The following TMEM131L variants were observed in gnomAD, a reference collection of about 807,000 sequenced individuals.
The protein encoded by TMEM131L is transmembrane 131 like.
Under a neutral mutation model 192.2 loss-of-function variants are expected in TMEM131L, and 54 were observed. The ratio of observed to expected loss-of-function variants is 0.28; its 90% CI spans 0.23 to 0.35. The LOEUF (loss-of-function observed/expected upper bound fraction) is 0.35. Ranked by LOEUF, TMEM131L falls within the 10% of genes least tolerant of loss-of-function variation. The pLI is 1.00. For synonymous variants in TMEM131L, 701 were observed against 704.9 expected (o/e 0.99, Z 0.09); for missense variants, 1,888 against 1,972.9 (o/e 0.96, Z 0.82).
intron 7 of TMEM131L, 110 bp from the exon 8 acceptor site, chr4:153,580,716 A>T: frequency 1.5e-6 from 1 of 646,920 alleles, no homozygotes; most frequent in Non-Finnish European, 2.8e-6. Context: ...TCAGATATTT[A>T]TTGAATAAAT....
chr4:153,516,551 G>A (rs1005534547), intron 3 of TMEM131L, among the ~76,000 whole-genome samples: 10 of 152,024 alleles, frequency 6.6e-5, no homozygotes, highest in African/African-American at 1.9e-4. Flanking sequence ...TTCTTTATAC[G>A]TGAAGTTTAT....
intron 32 of TMEM131L, among the ~76,000 whole-genome samples, chr4:153,633,606 A>C (rs1047697396): frequency 2.0e-5 from 3 of 152,206 alleles, no homozygotes; most frequent in African/African-American, 7.2e-5. Flanking sequence ...CAAATTTGCT[A>C]TTTGACATTA....
chr4:153,501,921 T>C (rs1733633131), intron 3 of TMEM131L, among the ~76,000 whole-genome samples: 1 of 150,774 alleles, frequency 6.6e-6, no homozygotes, highest in African/African-American at 2.4e-5. Flanking sequence ...CCAGGTCACT[T>C]CCTGGAAGTA....
intron 7 of TMEM131L, among the ~76,000 whole-genome samples, chr4:153,570,044 C>T (rs1011758957): frequency 3.3e-5 from 5 of 152,028 alleles, no homozygotes; most frequent in Non-Finnish European, 7.4e-5. Flanking sequence ...ATCAGAAGTT[C>T]TCCATGCCTC....
intron 3 of TMEM131L, among the ~76,000 whole-genome samples, chr4:153,512,476 A>G (rs2150081289): frequency 6.6e-6 from 1 of 152,344 alleles, no homozygotes; most frequent in South Asian, 2.1e-4. Context: ...AAGTCATAGC[A>G]ACATTTTAAC....
chr4:153,471,773 G>A (rs1424713409), intron 2 of TMEM131L, among the ~76,000 whole-genome samples: 3 of 152,184 alleles, frequency 2.0e-5, no homozygotes, highest in African/African-American at 7.2e-5. Context: ...CTCCACTGCC[G>A]TTACTTGTTC....
chr4:153,634,554 T>C (rs1734441882), intron 33 of TMEM131L, among the ~76,000 whole-genome samples: 1 of 152,214 alleles, frequency 6.6e-6, no homozygotes, highest in Non-Finnish European at 1.5e-5. Flanking sequence ...AACTAGGTCA[T>C]TTGGATCCAT....
At chr4:153,571,891 A>T (rs999318481) in intron 7 of TMEM131L, among the ~76,000 whole-genome samples, 2 of 152,218 alleles carry the variant, frequency 1.3e-5, no homozygotes, top group East Asian at 3.8e-4. Flanking sequence ...CAGTCTGCTG[A>T]GATCTTGCCT....
At position 153,604,363 on chromosome 4, in the gene TMEM131L, C is replaced by T. The variant is rs201002773; in HGVS notation, c.3351C>T (p.Asn1117=). The change falls in exon 25 of 35, where the codon AAC becomes AAT. Residue 1117 remains asparagine, a synonymous_variant. Transcript: ENST00000409959. ...AGACCTCCAAGAAACTACCTGAAAA[C>T]CATTTACCAAGAAACTCACCTCAGT... ...PLKTSKKLPE[N]HLPRNSPQYH... 8.7e-6 allele frequency: 14 copies of T among 1,613,724 alleles called. No homozygotes were observed. The highest frequency in any genetic ancestry group is 1.2e-5 in the Non-Finnish European group (14 of 1,179,940).
chr4:153,608,084 G>A (rs796399390), intron 25 of TMEM131L, among the ~76,000 whole-genome samples: 2 of 151,848 alleles, frequency 1.3e-5, no homozygotes, highest in East Asian at 1.9e-4. Context: ...TTGTGCCACC[G>A]CACTCCAGCC....
At chr4:153,468,153 A>G (rs149009374) in intron 2 of TMEM131L, among the ~76,000 whole-genome samples, 1 of 152,312 alleles carries the variant, frequency 6.6e-6, no homozygotes, top group Admixed American at 6.5e-5. Flanking sequence ...GAAAAACAGG[A>G]TGTCTAGCTA....
intron 3 of TMEM131L, among the ~76,000 whole-genome samples, chr4:153,492,861 G>A (rs1442746695): frequency 6.6e-6 from 1 of 152,148 alleles, no homozygotes; most frequent in Non-Finnish European, 1.5e-5. Flanking sequence ...GACCAAGATG[G>A]AGGAGTTGAG....
intron 3 of TMEM131L, among the ~76,000 whole-genome samples, chr4:153,507,394 G>A (rs1487333809): frequency 1.3e-5 from 2 of 152,140 alleles, no homozygotes; most frequent in Admixed American, 1.3e-4. Context: ...ACATCTCCAC[G>A]TCCCCCATGC....
chr4:153,557,704 TA>T lies in TMEM131L; in HGVS notation c.550-551del, dbSNP rs532520611. On this transcript the variant is annotated intron_variant, in intron 6 of 34. Transcript: ENST00000409959. ...GTGGTTATTTCTTACTGGATTCCAT[TA>T]AAGAGGTCCCATATCAGAAGAGTTG... is the stretch of plus-strand genomic sequence containing the variant. 2.0e-5 allele frequency among the ~76,000 whole-genome samples: 3 copies of T among 152,346 alleles called. No individual in the cohort carries two copies. The South Asian group carries it at 6.2e-4, about 32-fold the overall frequency.
intron 2 of TMEM131L, among the ~76,000 whole-genome samples, chr4:153,472,381 T>G (rs1336056335): frequency 6.6e-6 from 1 of 152,204 alleles, no homozygotes; most frequent in Non-Finnish European, 1.5e-5. Flanking sequence ...TCATGTTCTA[T>G]TTTGATTTAG....
At chr4:153,513,611 G>A (rs78220163) in intron 3 of TMEM131L, among the ~76,000 whole-genome samples, 6,322 of 152,194 alleles carry the variant, frequency 0.042, 481 homozygotes, top group East Asian at 0.23. Context: ...CTCTCCATTC[G>A]AACATGTCTT....
intron 21 of TMEM131L, among the ~76,000 whole-genome samples, chr4:153,599,260 A>G (rs1561229337): frequency 2.0e-5 from 3 of 152,248 alleles, no homozygotes; most frequent in South Asian, 4.1e-4. Flanking sequence ...ACAACTCACT[A>G]TCACAGTGAC....
chr4:153,634,453 A>G (rs537562901), intron 33 of TMEM131L, 173 bp downstream of exon 33: 4 of 543,810 alleles, frequency 7.4e-6, no homozygotes, highest in Non-Finnish European at 9.8e-6. Context: ...TGCCATATAT[A>G]ATTTTATATG....
chr4:153,591,756 T>A (rs1055802930), intron 17 of TMEM131L, among the ~76,000 whole-genome samples: 3 of 152,130 alleles, frequency 2.0e-5, no homozygotes, highest in Admixed American at 6.5e-5. Flanking sequence ...TGCTCATAGA[T>A]TTTCTTAGGG....
Sources: gnomAD v4.1 joint callset for allele counts (sites outside exome capture counted in the v4.1 genomes callset) on GRCh38, gnomAD v4.1.1 for gene constraint, MANE v1.5 for transcripts, NCBI Gene and HGNC (gene_info 2026-07-23, HGNC 2026-07-21) for gene names.